EHBP1: variants seen among roughly 807,000 people sequenced by gnomAD.
The protein encoded by EHBP1 is EH domain binding protein 1, also known as EH domain-binding protein 1.
Under a neutral mutation model 144.0 loss-of-function variants are expected in EHBP1, and 55 were observed. The observed-to-expected ratio is 0.38, with a 90% confidence interval of 0.31 to 0.48. The LOEUF (loss-of-function observed/expected upper bound fraction) is 0.48, where lower values mean the gene tolerates loss of function less well. Ranked by LOEUF, EHBP1 falls within the 20% of genes least tolerant of loss-of-function variation. The pLI is 0.98. For missense variants in EHBP1, 1,200 were observed against 1,364.2 expected (o/e 0.88, Z 1.90); for synonymous variants, 469 against 472.7 (o/e 0.99, Z 0.10).
chr2:63,030,272 T>C (rs1222195694), intron 19 of EHBP1, among the ~76,000 whole-genome samples: 1 of 152,176 alleles, frequency 6.6e-6, no homozygotes, highest in South Asian at 2.1e-4. Context: ...TCAGTTGCTC[T>C]ATCACGTGTA....
At chr2:62,866,668 C>A (rs2050067400) in intron 9 of EHBP1, among the ~76,000 whole-genome samples, 1 of 151,950 alleles carries the variant, frequency 6.6e-6, no homozygotes, top group Non-Finnish European at 1.5e-5. Flanking sequence ...AACCTAAAGA[C>A]ATAGCAATAG....
chr2:62,867,229 G>A (rs1300512524), intron 9 of EHBP1, among the ~76,000 whole-genome samples: 1 of 152,128 alleles, frequency 6.6e-6, no homozygotes, highest in Non-Finnish European at 1.5e-5. Context: ...TGATGGTTGT[G>A]TAAAGGCTGA....
At chr2:63,037,804 AATT>A (rs1284497547) in intron 20 of EHBP1, among the ~76,000 whole-genome samples, 170 bp downstream of exon 20, 1 of 152,144 alleles carries the variant, frequency 6.6e-6, no homozygotes, top group African/African-American at 2.4e-5. Context: ...ATCTTATAAG[AATT>A]TTTAAATGGA....
At chr2:62,878,702 C>G (rs995990192) in intron 10 of EHBP1, among the ~76,000 whole-genome samples, 1 of 152,144 alleles carries the variant, frequency 6.6e-6, no homozygotes, top group African/African-American at 2.4e-5. Context: ...ATAAACAGAA[C>G]TAAAGACAAA....
At chr2:62,957,719 C>T (rs1221069875) in intron 14 of EHBP1, among the ~76,000 whole-genome samples, 2 of 127,422 alleles carry the variant, frequency 1.6e-5, no homozygotes, top group African/African-American at 3.1e-5. Context: ...GATCTCGGCT[C>T]ACTGCAAGCT....
intron 21 of EHBP1, among the ~76,000 whole-genome samples, chr2:63,040,978 A>G (rs995015410): frequency 1.3e-5 from 2 of 152,224 alleles, no homozygotes; most frequent in Admixed American, 1.3e-4. Context: ...CTTTTATTTT[A>G]AAGTTCATTT....
intron 2 of EHBP1, among the ~76,000 whole-genome samples, chr2:62,729,529 A>G (rs1375571956): frequency 8.2e-6 from 1 of 121,492 alleles, no homozygotes; most frequent in Non-Finnish European, 1.6e-5. Flanking sequence ...AATAAATATA[A>G]TATATATAAT....
intron 19 of EHBP1, among the ~76,000 whole-genome samples, chr2:63,001,374 A>G (rs1176860023): frequency 6.6e-6 from 1 of 152,184 alleles, no homozygotes; most frequent in African/African-American, 2.4e-5. Flanking sequence ...CTAACTGGCC[A>G]TTTAAAAATA....
rs1354945636 is a variant in EHBP1, at chr2:62,863,837, G to GTTTTTTTTT, written c.758-892_758-891insTTTTTTTTT. On this transcript the variant is annotated intron_variant, in intron 8 of 22. Coordinates refer to ENST00000431489, the MANE Select transcript of EHBP1 (RefSeq NM_001142616.3). The stretch of plus-strand genomic sequence containing the variant: ...ATTTTTTTAAATTTTATTTTTCTGT[G>GTTTTTTTTT]TTGTTTTTTTTTTTTTTTTTTTTTT... Among the ~76,000 whole-genome samples the GTTTTTTTTT allele has an allele frequency of 1.5e-4, 11 of 74,576 alleles. 3 individuals are homozygous for GTTTTTTTTT. Among genetic ancestry groups the GTTTTTTTTT allele is most frequent in the Non-Finnish European group, 2.3e-4 (9 of 39,450 alleles). 48.9% of individuals were successfully genotyped at this position (74,576 alleles called of 152,430 possible).
At chr2:62,936,977 T>C (rs1466912171) in intron 10 of EHBP1, among the ~76,000 whole-genome samples, 1 of 152,236 alleles carries the variant, frequency 6.6e-6, no homozygotes, top group African/African-American at 2.4e-5. Context: ...TGTTAGTATA[T>C]GTCTCGTTAC....
At chr2:63,041,008 A>C (rs1350634178) in intron 21 of EHBP1, among the ~76,000 whole-genome samples, 3 of 152,152 alleles carry the variant, frequency 2.0e-5, no homozygotes. Flanking sequence ...CATCCCTCCT[A>C]CTTAGTAGCC....
rs138322989 is a variant in EHBP1, at chr2:62,826,785, A to G, written c.494+517A>G. 8.5e-5 allele frequency among the ~76,000 whole-genome samples: 13 copies of G among 152,350 alleles called. No homozygotes were observed. The East Asian group carries it at 2.3e-3, about 27-fold the overall frequency. ...TTCAAAAATCACTTCTTAAGCACTG[A>G]GTCAGCATTGCACAAAGATTTCTAG... On this transcript the variant is annotated intron_variant, in intron 6 of 22. Transcript: ENST00000431489.
At chr2:62,915,208 A>C (rs2054515675) in intron 10 of EHBP1, among the ~76,000 whole-genome samples, 1 of 152,074 alleles carries the variant, frequency 6.6e-6, no homozygotes, top group African/African-American at 2.4e-5. Context: ...CATAGTACCT[A>C]ATTTTATATA....
Position 62,951,176 on chromosome 2 carries a change from TG to T in EHBP1, c.2316+2015del, listed in dbSNP as rs758801012. ...GGTGTTGACTGAAACATCAAGGAAT[TG>T]CCATCATGCCAACTGAAATATCAAA... On this transcript the variant is annotated intron_variant, in intron 13 of 22. Transcript: ENST00000431489. Among the ~76,000 whole-genome samples the T allele has an allele frequency of 5.8e-4, 89 of 152,178 alleles. 2 individuals are homozygous for T. The highest frequency in any genetic ancestry group is 2.0e-4 in the Admixed American group (3 of 15,284).
chr2:62,837,624 A>C (rs1249550798), intron 7 of EHBP1, among the ~76,000 whole-genome samples: 174 of 148,776 alleles, frequency 1.2e-3, no homozygotes, highest in African/African-American at 2.9e-3. Context: ...ACATAGGCTC[A>C]AAATAAAAGG....
chr2:62,796,308 C>T (rs932674172), intron 5 of EHBP1, among the ~76,000 whole-genome samples: 2 of 151,910 alleles, frequency 1.3e-5, no homozygotes, highest in Admixed American at 6.6e-5. Flanking sequence ...TATGAATTAC[C>T]TTTGTTAATT....
chr2:63,011,941 AT>A (rs1419537332), intron 19 of EHBP1, among the ~76,000 whole-genome samples: 1 of 151,986 alleles, frequency 6.6e-6, no homozygotes, highest in Non-Finnish European at 1.5e-5. Flanking sequence ...GTTGGGATAC[AT>A]TTAAATATTA....
intron 19 of EHBP1, among the ~76,000 whole-genome samples, chr2:62,998,218 A>G (rs975793600): frequency 2.0e-5 from 3 of 152,222 alleles, no homozygotes; most frequent in South Asian, 2.1e-4. Context: ...TAGACCATGT[A>G]TATCATTCCC....
chr2:62,831,203 G>A (rs1360766803), intron 7 of EHBP1, 45 bp downstream of exon 7: 42 of 1,541,278 alleles, frequency 2.7e-5, no homozygotes, highest in Non-Finnish European at 3.6e-5. Flanking sequence ...TTTTGTTGCA[G>A]AGTTCAAAAA....
Sources: allele counts gnomAD v4.1 joint callset (sites outside exome capture counted in the v4.1 genomes callset), GRCh38; gene constraint gnomAD v4.1.1; transcripts MANE v1.5; gene names NCBI Gene and HGNC (gene_info 2026-07-23, HGNC 2026-07-21).